Variants in TFCP2L1 observed in about 807,000 individuals in gnomAD.
TFCP2L1 encodes transcription factor CP2 like 1.
Under a neutral mutation model 72.2 loss-of-function variants are expected in TFCP2L1, and 12 were observed. The observed-to-expected ratio is 0.17, with a 90% CI of 0.11 to 0.27. The LOEUF (loss-of-function observed/expected upper bound fraction) is 0.27, where lower values mean the gene tolerates loss of function less well. Ranked by LOEUF, TFCP2L1 falls within the 10% of genes least tolerant of loss-of-function variation. TFCP2L1 has a pLI of 1.00. For missense variants in TFCP2L1, 488 were observed against 624.6 expected (o/e 0.78, Z 2.33); for synonymous variants, 260 against 251.0 (o/e 1.04, Z -0.34).
chr2:121,217,546 C>T lies in TFCP2L1; in HGVS notation c.*6795G>A, dbSNP rs1685857253. 1 of 152,552 alleles carries T rather than the reference C, an allele frequency of 6.6e-6. No individual in the cohort carries two copies. Among genetic ancestry groups the T allele is most frequent in the Non-Finnish European group, 1.5e-5 (1 of 68,290 alleles). The allele number at this position is 152,552 out of a possible 1,614,324, so 9.4% of individuals were successfully genotyped here. A position where few individuals can be genotyped will look rare whatever the true frequency, so the allele number is the denominator to read the frequency against. On this transcript the variant is annotated 3_prime_UTR_variant, in exon 15 of 15. Transcript: ENST00000263707. ...CCGGGGGGCGGCCCCTCAAAACCAC[C>T]AAGCTGAGGCCACTGTGAGCAGTCC...
chr2:121,262,834 A>G (rs997850129), intron 2 of TFCP2L1, among the ~76,000 whole-genome samples: 1 of 152,208 alleles, frequency 6.6e-6, no homozygotes, highest in Non-Finnish European at 1.5e-5. Context: ...CCATATGAAC[A>G]TCGACATGCT....
chr2:121,274,117 A>G (rs575087603), intron 2 of TFCP2L1, among the ~76,000 whole-genome samples: 9 of 152,176 alleles, frequency 5.9e-5, no homozygotes, highest in East Asian at 1.9e-4. Context: ...AAAGAAAAAA[A>G]AAACCAATTG....
intron 1 of TFCP2L1, among the ~76,000 whole-genome samples, chr2:121,284,792 T>C (rs1006130460): frequency 1.3e-5 from 2 of 152,114 alleles, no homozygotes; most frequent in African/African-American, 2.4e-5. Flanking sequence ...CTCTGCCGCC[T>C]GGGAGGAGCC....
intron 2 of TFCP2L1, among the ~76,000 whole-genome samples, chr2:121,256,237 C>A (rs753779762): frequency 2.0e-5 from 3 of 152,162 alleles, no homozygotes; most frequent in Non-Finnish European, 4.4e-5. Flanking sequence ...ATACACTAGT[C>A]CCCCTGAAAC....
At chr2:121,271,566 T>C (rs771041318) in intron 2 of TFCP2L1, among the ~76,000 whole-genome samples, 7 of 152,194 alleles carry the variant, frequency 4.6e-5, no homozygotes, top group South Asian at 4.1e-4. Context: ...ACTTCAGCTA[T>C]GGAAAAAAGA....
intron 2 of TFCP2L1, among the ~76,000 whole-genome samples, chr2:121,250,608 C>CTT (rs56784430): frequency 2.2e-5 from 3 of 137,188 alleles, no homozygotes; most frequent in Non-Finnish European, 3.1e-5. Flanking sequence ...ATTGGCATAT[C>CTT]TTTTTTTTTT....
intron 10 of TFCP2L1, among the ~76,000 whole-genome samples, chr2:121,236,407 G>A (rs981212961): frequency 2.0e-5 from 3 of 152,108 alleles, no homozygotes; most frequent in South Asian, 4.1e-4. Flanking sequence ...GAAGGTGACC[G>A]TCTCATGGGG....
chr2:121,233,931 C>T (rs991201163), intron 12 of TFCP2L1, among the ~76,000 whole-genome samples, 160 bp downstream of exon 12: 3 of 152,248 alleles, frequency 2.0e-5, no homozygotes, highest in African/African-American at 7.2e-5. Context: ...ATGCACCATG[C>T]AAGGAGCATG....
At chr2:121,259,967 T>C (rs1454852740) in intron 2 of TFCP2L1, among the ~76,000 whole-genome samples, 2 of 152,190 alleles carry the variant, frequency 1.3e-5, no homozygotes, top group African/African-American at 4.8e-5. Flanking sequence ...TTGGTATTTA[T>C]TTTCCCAGTG....
intron 2 of TFCP2L1, among the ~76,000 whole-genome samples, chr2:121,278,675 G>A (rs1466760555): frequency 1.4e-5 from 2 of 146,500 alleles, no homozygotes; most frequent in Non-Finnish European, 1.5e-5. Flanking sequence ...GACAGAGCAA[G>A]ACTGTCTCAA....
intron 14 of TFCP2L1, among the ~76,000 whole-genome samples, 171 bp downstream of exon 14, chr2:121,225,391 C>T (rs1686007966): frequency 6.6e-6 from 1 of 152,158 alleles, no homozygotes; most frequent in African/African-American, 2.4e-5. Context: ...CCCTGGGGGC[C>T]AATCTCACTA....
At chr2:121,263,834 G>A (rs1275885798) in intron 2 of TFCP2L1, among the ~76,000 whole-genome samples, 2 of 152,238 alleles carry the variant, frequency 1.3e-5, no homozygotes, top group South Asian at 2.1e-4. Flanking sequence ...AGCTGCCTCT[G>A]AGGAGGGGCA....
chr2:121,276,297 T>C (rs781578378), intron 2 of TFCP2L1, among the ~76,000 whole-genome samples: 2 of 148,412 alleles, frequency 1.3e-5, no homozygotes, highest in East Asian at 2.0e-4. Flanking sequence ...CTCCCACTTA[T>C]GAGTGAGAAT....
chr2:121,229,260 C>A (rs570922517), intron 13 of TFCP2L1, among the ~76,000 whole-genome samples: 1 of 152,278 alleles, frequency 6.6e-6, no homozygotes, highest in African/African-American at 2.4e-5. Flanking sequence ...AGGGCACACA[C>A]AGAGACAAGA....
chr2:121,280,786 A>G (rs1297807848), intron 2 of TFCP2L1, among the ~76,000 whole-genome samples: 1 of 147,306 alleles, frequency 6.8e-6, no homozygotes, highest in African/African-American at 2.5e-5. Flanking sequence ...AAAAAAAAAG[A>G]AAGAAAGAAA....
Position 121,219,362 on chromosome 2 carries a change from T to C in TFCP2L1, c.*4979A>G, listed in dbSNP as rs1685888775. 6.6e-6 allele frequency: 1 copy of C among 152,270 alleles called. No homozygotes were observed. The highest frequency in any genetic ancestry group is 6.5e-5 in the Admixed American group (1 of 15,288). 9.4% of individuals were successfully genotyped at this position (152,270 alleles called of 1,614,324 possible). On this transcript the variant is annotated 3_prime_UTR_variant, in exon 15 of 15. Coordinates refer to ENST00000263707, the MANE Select transcript of TFCP2L1 (RefSeq NM_014553.3). ...GCAAGGGAAGGAACCCAGGTACACATGTAAACACGCACATGTGCACCAATG... is the reference window on the plus strand; with the variant it reads ...GCAAGGGAAGGAACCCAGGTACACACGTAAACACGCACATGTGCACCAATG...
intron 12 of TFCP2L1, among the ~76,000 whole-genome samples, chr2:121,233,692 G>A (rs1183208998): frequency 6.6e-6 from 1 of 152,224 alleles, no homozygotes; most frequent in East Asian, 1.9e-4. Context: ...CTCGGTGGGA[G>A]CAGGAAGGCT....
rs534229785 is a variant in TFCP2L1 at position 121,228,080 on chromosome 2, C to A, written c.1342-2467G>T. Reference sequence around the variant, plus strand: ...GCCAGGCTGCCTCCAGCACTCTGGGCAATTAAGAACCAAAGGTTTCCAATA... The same window carrying A: ...GCCAGGCTGCCTCCAGCACTCTGGGAAATTAAGAACCAAAGGTTTCCAATA... On this transcript the variant is annotated intron_variant, in intron 13 of 14. Transcript: ENST00000263707. Among the ~76,000 whole-genome samples the A allele has an allele frequency of 2.0e-5, 3 of 152,320 alleles. No homozygotes were observed. The South Asian group carries it at 6.2e-4, about 32-fold the overall frequency.
chr2:121,248,073 A>C, intron 5 of TFCP2L1, 91 bp downstream of exon 5: 1 of 1,039,680 alleles, frequency 9.6e-7, no homozygotes, highest in Non-Finnish European at 1.4e-6. Flanking sequence ...GCTCATCCAG[A>C]CCCTCCCAGA....
Sources: allele counts gnomAD v4.1 joint callset (sites outside exome capture counted in the v4.1 genomes callset), GRCh38; gene constraint gnomAD v4.1.1; transcripts MANE v1.5; gene names NCBI Gene and HGNC (gene_info 2026-07-23, HGNC 2026-07-21).